The following SYNE2 variants were observed in gnomAD, a reference collection of about 807,000 sequenced individuals.
SYNE2 encodes spectrin repeat containing nuclear envelope protein 2, also known as nesprin-2.
SYNE2 carries 431 observed loss-of-function variants against 856.3 expected under a neutral mutation model. That is an observed-to-expected ratio of 0.50 (90% CI 0.47 to 0.55). The LOEUF (loss-of-function observed/expected upper bound fraction) is 0.55, where lower values mean the gene tolerates loss of function less well. SYNE2 is among the 20% of genes least tolerant of loss of function. The pLI is 0.00. For synonymous variants in SYNE2, 2,923 were observed against 2,872.3 expected (o/e 1.02, Z -0.56); for missense variants, 8,129 against 8,023.2 (o/e 1.01, Z -0.50).
At chr14:64,144,180 G>A (rs186585880) in intron 83 of SYNE2, among the ~76,000 whole-genome samples, 14 of 152,276 alleles carry the variant, frequency 9.2e-5, no homozygotes, top group African/African-American at 2.6e-4. Flanking sequence ...CTAGGCAAGT[G>A]AAGATGAGGA....
At chr14:64,062,334 C>T (rs539719481) in intron 49 of SYNE2, among the ~76,000 whole-genome samples, 1 of 152,156 alleles carries the variant, frequency 6.6e-6, no homozygotes, top group African/African-American at 2.4e-5. Context: ...TTAGGATAAG[C>T]TCTATATGTT....
intron 1 of SYNE2, among the ~76,000 whole-genome samples, chr14:63,769,804 C>T (rs1256789558): frequency 2.0e-5 from 3 of 151,048 alleles, no homozygotes; most frequent in Non-Finnish European, 4.4e-5. Flanking sequence ...GAGGCTGAGG[C>T]GGGAGGATCA....
chr14:64,218,376 C>A, intron 108 of SYNE2, 22 bp from the exon 109 acceptor site: 1 of 1,608,604 alleles, frequency 6.2e-7, no homozygotes, highest in Non-Finnish European at 8.5e-7. Context: ...CAGATGGTAA[C>A]TTAAAAACTG....
chr14:63,774,064 G>A (rs1887018820), intron 1 of SYNE2, among the ~76,000 whole-genome samples: 1 of 152,128 alleles, frequency 6.6e-6, no homozygotes, highest in Non-Finnish European at 1.5e-5. Context: ...GCTGGGTGCG[G>A]TGGCTCATGC....
At chr14:64,112,601 A>C (rs774563339) in intron 65 of SYNE2, among the ~76,000 whole-genome samples, 2 of 152,208 alleles carry the variant, frequency 1.3e-5, no homozygotes, top group Non-Finnish European at 2.9e-5. Flanking sequence ...CAGTTATTTC[A>C]ATGTAAAAAG....
chr14:63,803,338 G>A (rs193257995), intron 1 of SYNE2, among the ~76,000 whole-genome samples: 21 of 152,290 alleles, frequency 1.4e-4, no homozygotes, highest in African/African-American at 5.1e-4. Flanking sequence ...GGGGAGGCTC[G>A]GGCGGCACAG....
At chr14:64,176,439 TGAAAATGCTTTGTAAACAG>T (rs1317904515) in intron 95 of SYNE2, among the ~76,000 whole-genome samples, 1 of 152,312 alleles carries the variant, frequency 6.6e-6, no homozygotes, top group Admixed American at 6.5e-5. Flanking sequence ...TTAATAAAGT[TGAAAATGCTTTGTAAACAG>T]GAAAGTGCTT....
Position 64,225,703 on chromosome 14 carries a change from T to A in SYNE2, c.*177T>A. The A allele has an allele frequency of 2.8e-6, 2 of 717,606 alleles. No homozygotes were observed. Among genetic ancestry groups the A allele is most frequent in the Non-Finnish European group, 4.9e-6 (2 of 411,526 alleles). 44.5% of individuals were successfully genotyped at this position (717,606 alleles called of 1,614,324 possible). On this transcript the variant is annotated 3_prime_UTR_variant, in exon 116 of 116. Coordinates refer to ENST00000555002, the MANE Select transcript of SYNE2 (RefSeq NM_182914.3). ...GCCCAGGGCAGCTTTCAGATTGTGT[T>A]CCTCCCCAGGAGCAGGGAACCTGTG...
chr14:64,106,049 C>CAAAAA (rs549854082), intron 64 of SYNE2, among the ~76,000 whole-genome samples: 1 of 92,312 alleles, frequency 1.1e-5, no homozygotes, highest in African/African-American at 3.7e-5. Flanking sequence ...GGCCCTGTCT[C>CAAAAA]AAAAAAAAAA....
At position 64,186,420 on chromosome 14, in the gene SYNE2, G is replaced by T. The variant is rs762372582; in HGVS notation, c.17557-4G>T. The T allele has an allele frequency of 2.5e-6, 4 of 1,614,050 alleles. No individual in the cohort carries two copies. The highest frequency in any genetic ancestry group is 1.7e-5 in the Admixed American group (1 of 60,006). ...TTTTACCCCCTTCTTGTGATTAAAT[G>T]CAGGAACTAGAACAGTCTTTGGCTA... On this transcript the variant is annotated splice_polypyrimidine_tract_variant and splice_region_variant and intron_variant, in intron 96 of 115. Coordinates refer to ENST00000555002, the MANE Select transcript of SYNE2 (RefSeq NM_182914.3).
chr14:63,905,403 T>C, intron 1 of SYNE2, among the ~76,000 whole-genome samples: 1 of 152,172 alleles, frequency 6.6e-6, no homozygotes, highest in East Asian at 1.9e-4. Context: ...GATAGTATGG[T>C]CATTTCAATG....
At position 63,954,706 on chromosome 14, in the gene SYNE2, CTT is replaced by C; in HGVS notation, c.591-9_591-8del. The stretch of plus-strand genomic sequence containing the variant: ...TTAATGGTATTTGTCATGTTTTTGT[CTT>C]TTTATGATAGCTATGAGTCTGTCAA... On this transcript the variant is annotated splice_polypyrimidine_tract_variant and intron_variant, in intron 7 of 115. Coordinates refer to ENST00000555002, the MANE Select transcript of SYNE2 (RefSeq NM_182914.3). 1 of 1,612,806 alleles carries C rather than the reference CTT, an allele frequency of 6.2e-7. No individual in the cohort carries two copies. The highest frequency in any genetic ancestry group is 8.5e-7 in the Non-Finnish European group (1 of 1,179,254).
chr14:64,179,569 T>C (rs1314328427), intron 96 of SYNE2, among the ~76,000 whole-genome samples: 5 of 152,266 alleles, frequency 3.3e-5, no homozygotes, highest in Non-Finnish European at 5.9e-5. Flanking sequence ...CCTTCTGTAG[T>C]CACTTGGTAT....
At chr14:63,815,380 T>C (rs1393595455) in intron 1 of SYNE2, among the ~76,000 whole-genome samples, 1 of 151,570 alleles carries the variant, frequency 6.6e-6, no homozygotes, top group Non-Finnish European at 1.5e-5. Context: ...AGTCCAATGT[T>C]TGAGGGCAGG....
chr14:64,156,604 G>A (rs569937210), intron 85 of SYNE2, among the ~76,000 whole-genome samples: 6 of 151,956 alleles, frequency 3.9e-5, no homozygotes, highest in African/African-American at 4.8e-5. Context: ...GATTACAGGC[G>A]TGTGCCACCA....
chr14:63,884,526 T>C (rs1215424018), intron 1 of SYNE2, among the ~76,000 whole-genome samples: 1 of 152,104 alleles, frequency 6.6e-6, no homozygotes, highest in Non-Finnish European at 1.5e-5. Flanking sequence ...GTGTGGTAGA[T>C]ACACTGAGAT....
Position 64,026,403 on chromosome 14 carries a change from A to G in SYNE2, c.6253-176A>G, listed in dbSNP as rs145483738. On this transcript the variant is annotated intron_variant, in intron 41 of 115. Coordinates refer to ENST00000555002, the MANE Select transcript of SYNE2 (RefSeq NM_182914.3). ...AACTGACAAATATTTATGGAGAACT[A>G]TATATAATGTGAAGAGAGATATCTT... Among the ~76,000 whole-genome samples the G allele has an allele frequency of 6.6e-5, 10 of 152,332 alleles. No homozygotes were observed. The East Asian group carries it at 1.2e-3, about 18-fold the overall frequency.
intron 95 of SYNE2, among the ~76,000 whole-genome samples, chr14:64,175,964 AATG>A (rs1187376372): frequency 1.3e-5 from 2 of 152,236 alleles, no homozygotes; most frequent in African/African-American, 2.4e-5. Context: ...TGTGAAGCAT[AATG>A]ATAATTGCAA....
At chr14:63,948,146 T>TACACAC (rs955649466) in intron 6 of SYNE2, among the ~76,000 whole-genome samples, 22 of 119,736 alleles carry the variant, frequency 1.8e-4, no homozygotes, top group African/African-American at 7.5e-4. Flanking sequence ...TGCGCGCACA[T>TACACAC]ACACACACAG....
Sources: gnomAD v4.1 joint callset for allele counts (sites outside exome capture counted in the v4.1 genomes callset) on GRCh38, gnomAD v4.1.1 for gene constraint, MANE v1.5 for transcripts, NCBI Gene and HGNC (gene_info 2026-07-23, HGNC 2026-07-21) for gene names.